CSMD1: variants seen among roughly 807,000 people sequenced by gnomAD.
CSMD1 encodes the protein CUB and sushi domain-containing protein 1.
A neutral mutation model predicts 417.5 loss-of-function variants in CSMD1; 213 were observed. The observed-to-expected ratio is 0.51, with a 90% CI of 0.46 to 0.57. The LOEUF (loss-of-function observed/expected upper bound fraction) is 0.57. Among genes scored for constraint, CSMD1 ranks in the 20% least tolerant of loss-of-function variants. CSMD1 has a pLI of 0.00. For missense variants in CSMD1, 6,923 were observed against 4,529.7 expected (o/e 1.53, Z -15.17); for synonymous variants, 2,862 against 1,736.8 (o/e 1.65, Z -16.11).
At chr8:4,987,511 T>G (rs969269200) in intron 1 of CSMD1, among the ~76,000 whole-genome samples, 3 of 152,212 alleles carry the variant, frequency 2.0e-5, no homozygotes, top group African/African-American at 7.2e-5. Context: ...ATCCACATCA[T>G]ATTAGTTTTT....
At chr8:4,063,703 C>G (rs1048821998) in intron 3 of CSMD1, among the ~76,000 whole-genome samples, 3 of 152,284 alleles carry the variant, frequency 2.0e-5, no homozygotes, top group South Asian at 2.1e-4. Context: ...GGCATGCTAC[C>G]TAAGTAAGGA....
intron 50 of CSMD1, among the ~76,000 whole-genome samples, chr8:3,044,134 C>T (rs563050237): frequency 6.6e-4 from 101 of 152,274 alleles, no homozygotes; most frequent in African/African-American, 2.2e-3. Flanking sequence ...AAAGGAAACA[C>T]TTATAATATT....
rs542351151 is a variant in CSMD1 at position 3,641,598 on chromosome 8, T to C, written c.1010-24801A>G. Reference sequence around the variant, plus strand: ...GAAATCATGATTTATGCTTCTTATGTCTCAAGAGGTTATCACAAGATTTCT... The same window carrying C: ...GAAATCATGATTTATGCTTCTTATGCCTCAAGAGGTTATCACAAGATTTCT... On this transcript the variant is annotated intron_variant, in intron 7 of 69. Coordinates refer to ENST00000635120, the MANE Select transcript of CSMD1 (RefSeq NM_033225.6). Among the ~76,000 whole-genome samples the C allele has an allele frequency of 2.0e-5, 3 of 152,208 alleles. No homozygotes were observed. In the East Asian group the frequency reaches 5.8e-4, roughly 29 times the overall value.
chr8:3,877,409 G>A (rs1454125081), intron 5 of CSMD1, among the ~76,000 whole-genome samples: 1 of 152,206 alleles, frequency 6.6e-6, no homozygotes, highest in East Asian at 1.9e-4. Context: ...TTCCATACAG[G>A]CTCAGAAGCG....
At chr8:3,536,996 TTTTCTTTTC>T (rs1056813206) in intron 10 of CSMD1, among the ~76,000 whole-genome samples, 2 of 152,074 alleles carry the variant, frequency 1.3e-5, no homozygotes, top group African/African-American at 4.8e-5. Flanking sequence ...CAAACTCTTT[TTTTCTTTTC>T]TTTCTTTTCT....
intron 5 of CSMD1, among the ~76,000 whole-genome samples, chr8:3,894,174 G>C (rs776333297): frequency 3.3e-5 from 5 of 152,046 alleles, no homozygotes; most frequent in Non-Finnish European, 7.4e-5. Context: ...CACTTCTTTT[G>C]CTGTGTGTCT....
At chr8:3,425,827 G>A (rs1813804650) in intron 12 of CSMD1, among the ~76,000 whole-genome samples, 1 of 152,100 alleles carries the variant, frequency 6.6e-6, no homozygotes. Flanking sequence ...TATTGACATT[G>A]AGGTGAAGAA....
intron 42 of CSMD1, chr8:3,113,107 C>A (rs1217415422): frequency 6.6e-6 from 1 of 152,238 alleles, no homozygotes; most frequent in Non-Finnish European, 1.5e-5. Flanking sequence ...AAGCGTATCC[C>A]CCCTGCCTTC....
chr8:3,500,974 G>A (rs922259012), intron 10 of CSMD1, among the ~76,000 whole-genome samples: 2 of 152,080 alleles, frequency 1.3e-5, no homozygotes, highest in African/African-American at 4.8e-5. Context: ...GTATATAAAT[G>A]ATTTTGCAGG....
chr8:4,121,384 G>C (rs1221168760), intron 3 of CSMD1, among the ~76,000 whole-genome samples: 3 of 152,032 alleles, frequency 2.0e-5, no homozygotes, highest in Non-Finnish European at 4.4e-5. Context: ...CAAAGGGCTG[G>C]GATTACAGGC....
intron 18 of CSMD1, among the ~76,000 whole-genome samples, chr8:3,379,702 A>T (rs981867502): frequency 6.6e-6 from 1 of 152,210 alleles, no homozygotes; most frequent in African/African-American, 2.4e-5. Context: ...CATATGCAGA[A>T]AACTGAAACT....
chr8:3,129,682 T>C (rs115013246), intron 41 of CSMD1, among the ~76,000 whole-genome samples: 4 of 149,470 alleles, frequency 2.7e-5, no homozygotes, highest in Non-Finnish European at 5.9e-5. Context: ...ACAAAACCAT[T>C]TTTTAAAAAA....
chr8:4,117,680 C>G (rs1305590550), intron 3 of CSMD1, among the ~76,000 whole-genome samples: 2 of 152,142 alleles, frequency 1.3e-5, no homozygotes, highest in Non-Finnish European at 1.5e-5. Context: ...AGACTGTATA[C>G]CTGACACTGG....
chr8:4,520,033 A>C (rs1803354943), intron 2 of CSMD1, among the ~76,000 whole-genome samples: 1 of 151,774 alleles, frequency 6.6e-6, no homozygotes. Context: ...AATTAGAATA[A>C]ATTCTATGCT....
intron 3 of CSMD1, among the ~76,000 whole-genome samples, chr8:4,213,929 C>T (rs967424364): frequency 2.6e-5 from 4 of 152,186 alleles, no homozygotes; most frequent in Non-Finnish European, 5.9e-5. Context: ...ATTAATTAGA[C>T]ACTAGCATAC....
At chr8:4,231,721 CT>C (rs1486388773) in intron 3 of CSMD1, among the ~76,000 whole-genome samples, 7 of 152,260 alleles carry the variant, frequency 4.6e-5, no homozygotes, top group Admixed American at 3.3e-4. Flanking sequence ...AAGAATGTGA[CT>C]GGTAGTGATG....
chr8:4,760,833 C>A (rs892802549), intron 1 of CSMD1, among the ~76,000 whole-genome samples: 1 of 152,144 alleles, frequency 6.6e-6, no homozygotes, highest in Non-Finnish European at 1.5e-5. Flanking sequence ...GGAAGGAATT[C>A]CCATAGAATA....
chr8:4,342,495 C>G (rs900047206), intron 3 of CSMD1, among the ~76,000 whole-genome samples: 7 of 151,962 alleles, frequency 4.6e-5, no homozygotes, highest in African/African-American at 1.7e-4. Context: ...ACTAAATCAG[C>G]CAGGGTAGGT....
chr8:3,993,668 T>G (rs1814931755), intron 5 of CSMD1, among the ~76,000 whole-genome samples: 1 of 152,152 alleles, frequency 6.6e-6, no homozygotes, highest in Non-Finnish European at 1.5e-5. Flanking sequence ...AAATAGAGCT[T>G]ACACCTTAAA....
Sources: gnomAD v4.1 joint callset for allele counts (sites outside exome capture counted in the v4.1 genomes callset) on GRCh38, gnomAD v4.1.1 for gene constraint, MANE v1.5 for transcripts, NCBI Gene and HGNC (gene_info 2026-07-23, HGNC 2026-07-21) for gene names.